Variants in FAM184A observed in about 807,000 individuals in gnomAD.
FAM184A encodes family with sequence similarity 184 member A.
In FAM184A, 99 loss-of-function variants were observed where a neutral mutation model predicts 143.8. The ratio of observed to expected loss-of-function variants is 0.69; its 90% confidence interval spans 0.58 to 0.81. The LOEUF (loss-of-function observed/expected upper bound fraction) is 0.81. Among genes scored for constraint, FAM184A ranks in the 40% least tolerant of loss-of-function variants. The probability of loss-of-function intolerance (pLI) is 0.00; values close to 1 mark genes in which losing one functional copy is unlikely to be tolerated. For synonymous variants in FAM184A, 427 were observed against 446.4 expected (o/e 0.96, Z 0.55); for missense variants, 1,217 against 1,310.5 (o/e 0.93, Z 1.10).
intron 1 of FAM184A, among the ~76,000 whole-genome samples, chr6:119,132,062 TC>T (rs1278844782): frequency 6.6e-5 from 10 of 152,242 alleles, no homozygotes; most frequent in African/African-American, 2.4e-4. Flanking sequence ...ATATTTCCTT[TC>T]TTGCATAACC....
intron 9 of FAM184A, among the ~76,000 whole-genome samples, chr6:118,993,549 G>A (rs1784445254): frequency 6.6e-6 from 1 of 152,148 alleles, no homozygotes; most frequent in Non-Finnish European, 1.5e-5. Context: ...TTCACATTCT[G>A]CATCCAAACT....
At chr6:118,960,812 A>T in intron 17 of FAM184A, 1 of 1,366,000 alleles carries the variant, frequency 7.3e-7, no homozygotes, top group Non-Finnish European at 9.8e-7. Context: ...TGTGTAATGG[A>T]AACTCCAGTA....
Position 119,099,762 on chromosome 6 carries a change from C to T in FAM184A, c.-202+49316G>A, listed in dbSNP as rs184885234. On this transcript the variant is annotated intron_variant, in intron 1 of 16. Transcript: ENST00000352896. ...ATACATGGAGCTTCCTGGAGGGGGG[C>T]GCACCTGAAGAGGGCATGGAAACTC... Among the ~76,000 whole-genome samples the T allele has an allele frequency of 8.8e-4, 134 of 152,140 alleles. No homozygotes were observed. In the South Asian group the frequency reaches 0.014, roughly 16 times the overall value.
At chr6:119,114,314 A>G (rs1270638968) in intron 1 of FAM184A, among the ~76,000 whole-genome samples, 1 of 152,158 alleles carries the variant, frequency 6.6e-6, no homozygotes, top group Non-Finnish European at 1.5e-5. Context: ...ATAGTGTTTT[A>G]TTTGGCAACC....
chr6:119,041,190 C>T (rs1288805704), intron 1 of FAM184A, among the ~76,000 whole-genome samples: 1 of 152,040 alleles, frequency 6.6e-6, no homozygotes, highest in East Asian at 1.9e-4. Flanking sequence ...ACTATAAGGT[C>T]GTGGCGACAA....
At chr6:118,985,995 T>A (rs1025138331) in intron 9 of FAM184A, among the ~76,000 whole-genome samples, 2 of 152,104 alleles carry the variant, frequency 1.3e-5, no homozygotes, top group African/African-American at 2.4e-5. Context: ...AGGAGGCTAG[T>A]TAAGAAAAGT....
intron 1 of FAM184A, among the ~76,000 whole-genome samples, chr6:119,035,651 C>T (rs974611588): frequency 1.3e-5 from 2 of 152,242 alleles, no homozygotes; most frequent in Middle Eastern, 6.8e-3. Flanking sequence ...AGCCTGCCAC[C>T]TGGAGGCTTC....
intron 1 of FAM184A, among the ~76,000 whole-genome samples, chr6:119,103,832 C>T (rs1235765969): frequency 4.0e-5 from 6 of 148,434 alleles, no homozygotes; most frequent in African/African-American, 5.0e-5. Context: ...GAGGCTGAGG[C>T]AGGAGAATTG....
intron 1 of FAM184A, among the ~76,000 whole-genome samples, chr6:119,106,272 G>A (rs1380297095): frequency 9.3e-5 from 14 of 150,056 alleles, no homozygotes; most frequent in Non-Finnish European, 1.8e-4. Context: ...CGCGCCTGTA[G>A]CCCCAGCTAC....
chr6:119,143,457 T>G (rs1299295257), intron 1 of FAM184A, among the ~76,000 whole-genome samples: 1 of 152,216 alleles, frequency 6.6e-6, no homozygotes, highest in Non-Finnish European at 1.5e-5. Context: ...ATTCCACATC[T>G]GGGTATATGC....
chr6:119,125,518 G>T (rs539501814), intron 1 of FAM184A, among the ~76,000 whole-genome samples: 1 of 152,096 alleles, frequency 6.6e-6, no homozygotes, highest in Non-Finnish European at 1.5e-5. Flanking sequence ...TGATCTAGCC[G>T]CCTTGGCTTC....
intron 2 of FAM184A, 69 bp from the exon 3 acceptor site, chr6:119,023,149 A>C: frequency 6.5e-7 from 1 of 1,540,874 alleles, no homozygotes; most frequent in Non-Finnish European, 8.9e-7. Flanking sequence ...CATTTAAATT[A>C]TAAGGGTCAG....
chr6:119,125,848 C>T (rs1159104799), intron 1 of FAM184A, among the ~76,000 whole-genome samples: 6 of 152,186 alleles, frequency 3.9e-5, no homozygotes, highest in Admixed American at 2.6e-4. Context: ...CCTGGTAGCA[C>T]TCCAGCCACT....
chr6:119,044,248 AT>A (rs1268198226), intron 1 of FAM184A, among the ~76,000 whole-genome samples: 1 of 152,190 alleles, frequency 6.6e-6, no homozygotes, highest in Non-Finnish European at 1.5e-5. Context: ...AGATGATACA[AT>A]TTTTTTAATC....
intron 1 of FAM184A, among the ~76,000 whole-genome samples, chr6:119,112,350 A>G (rs1409328923): frequency 6.6e-6 from 1 of 151,700 alleles, no homozygotes; most frequent in Non-Finnish European, 1.5e-5. Context: ...CTGGTCTCGA[A>G]CTCCCAACCT....
chr6:119,077,505 G>T (rs1026035609), intron 1 of FAM184A, among the ~76,000 whole-genome samples: 3 of 152,142 alleles, frequency 2.0e-5, no homozygotes, highest in Non-Finnish European at 2.9e-5. Flanking sequence ...TAAACTACAC[G>T]TGGCCGAATG....
intron 11 of FAM184A, among the ~76,000 whole-genome samples, chr6:118,977,265 G>A (rs1414982260): frequency 3.9e-5 from 6 of 152,126 alleles, no homozygotes; most frequent in East Asian, 1.9e-4. Context: ...TAATTATGCC[G>A]AGTGAAAAAA....
At chr6:118,988,020 ATGCAAAATGAAAAGTGC>A (rs1392264725) in intron 9 of FAM184A, among the ~76,000 whole-genome samples, 5 of 152,210 alleles carry the variant, frequency 3.3e-5, no homozygotes, top group African/African-American at 1.2e-4. Context: ...GATGTTGTTT[ATGCAAAATGAAAAGTGC>A]AACATGCCCT....
At chr6:118,984,171 A>G (rs1222546463) in intron 9 of FAM184A, among the ~76,000 whole-genome samples, 1 of 141,132 alleles carries the variant, frequency 7.1e-6, no homozygotes, top group Non-Finnish European at 1.5e-5. Flanking sequence ...ATATATATAT[A>G]TATATATTTA....
Sources: gnomAD v4.1 joint callset for allele counts (sites outside exome capture counted in the v4.1 genomes callset) on GRCh38, gnomAD v4.1.1 for gene constraint, MANE v1.5 for transcripts, NCBI Gene and HGNC (gene_info 2026-07-23, HGNC 2026-07-21) for gene names.